CXCL13: variants seen among roughly 807,000 people sequenced by gnomAD.
CXCL13 encodes the protein C-X-C motif chemokine 13.
A neutral mutation model predicts 12.2 loss-of-function variants in CXCL13; 7 were observed. The ratio of observed to expected loss-of-function variants is 0.57; its 90% CI spans 0.33 to 1.07. The LOEUF is 1.07. CXCL13 is among the 50% of genes least tolerant of loss of function. The pLI is 0.04. For missense variants in CXCL13, 113 were observed against 127.4 expected, an observed-to-expected ratio of 0.89 and a Z score of 0.55; for synonymous variants, 47 against 42.4, an observed-to-expected ratio of 1.11 and a Z score of -0.42.
intron 1 of CXCL13, among the ~76,000 whole-genome samples, chr4:77,517,459 A>G (rs1724454329): frequency 6.6e-6 from 1 of 151,974 alleles, no homozygotes; most frequent in Non-Finnish European, 1.5e-5. Flanking sequence ...TTTGTAGGTC[A>G]CTCAGGGCTT....
intron 1 of CXCL13, among the ~76,000 whole-genome samples, chr4:77,514,990 G>A (rs1724378688): frequency 6.6e-6 from 1 of 151,934 alleles, no homozygotes. Flanking sequence ...TGTATAAGGT[G>A]TAAGGAAGGG....
rs1057304843 is a variant in CXCL13 at position 77,546,609 on chromosome 4, T to C, written c.-43+34821T>C. ...AGTGGTGATATCCCCTTTATCATTT[T>C]TATTGCATCTATTTGATTCTTCTCT... On this transcript the variant is annotated intron_variant, in intron 1 of 4. Coordinates refer to the CXCL13 transcript ENST00000286758. 2.6e-5 allele frequency among the ~76,000 whole-genome samples: 4 copies of C among 152,204 alleles called. No homozygotes were observed. In the South Asian group the frequency reaches 8.3e-4, roughly 31 times the overall value.
intron 2 of CXCL13, among the ~76,000 whole-genome samples, chr4:77,608,710 A>G (rs1265588942): frequency 6.6e-6 from 1 of 152,186 alleles, no homozygotes; most frequent in Non-Finnish European, 1.5e-5. Context: ...AAAAGTGCAT[A>G]TGGTAGTTTT....
intron 1 of CXCL13, among the ~76,000 whole-genome samples, chr4:77,581,572 A>G (rs1381075658): frequency 6.6e-6 from 1 of 152,118 alleles, no homozygotes; most frequent in Non-Finnish European, 1.5e-5. Flanking sequence ...TGACTTAATT[A>G]TTATACTATT....
chr4:77,605,461 A>G (rs1051435167), upstream of CXCL13, among the ~76,000 whole-genome samples: 12 of 152,122 alleles, frequency 7.9e-5, no homozygotes, highest in African/African-American at 2.9e-4. Context: ...TGGAGTATAT[A>G]TCTAATGCCA....
Position 77,550,669 on chromosome 4 carries a change from G to A in CXCL13, c.-43+38881G>A, listed in dbSNP as rs190486457. Among the ~76,000 whole-genome samples, 85 of 152,288 alleles carry A rather than the reference G, an allele frequency of 5.6e-4. 2 individuals are homozygous for A. The East Asian group carries it at 0.013, about 24-fold the overall frequency. ...AAATGTTGAAGTTCACAATTTCTCC[G>A]TTAGTTTTCTGCCTTGATGATTTGT... On this transcript the variant is annotated intron_variant, in intron 1 of 4. Coordinates refer to the CXCL13 transcript ENST00000286758.
At chr4:77,578,772 A>C (rs1044914920) in intron 1 of CXCL13, among the ~76,000 whole-genome samples, 1 of 152,156 alleles carries the variant, frequency 6.6e-6, no homozygotes, top group Non-Finnish European at 1.5e-5. Context: ...GTTTTAGCTG[A>C]ACTAAGGAGC....
chr4:77,548,635 T>C (rs1035363308), intron 1 of CXCL13, among the ~76,000 whole-genome samples: 5 of 152,194 alleles, frequency 3.3e-5, no homozygotes, highest in African/African-American at 1.2e-4. Flanking sequence ...GAAAATAATC[T>C]TTTCGTTAAG....
At chr4:77,606,118 T>C (rs1053374001) in intron 1 of CXCL13, among the ~76,000 whole-genome samples, 189 bp downstream of exon 1, 2 of 152,204 alleles carry the variant, frequency 1.3e-5, no homozygotes, top group African/African-American at 4.8e-5. Context: ...ATTTATATTG[T>C]TAAGATTTTT....
At chr4:77,554,761 GAATC>G (rs1023982002) in intron 1 of CXCL13, among the ~76,000 whole-genome samples, 4 of 151,948 alleles carry the variant, frequency 2.6e-5, no homozygotes, top group African/African-American at 9.7e-5. Context: ...GACTACAAAA[GAATC>G]AATTAGAAAT....
chr4:77,529,258 GCA>G (rs1245440722), intron 1 of CXCL13, among the ~76,000 whole-genome samples: 17 of 152,116 alleles, frequency 1.1e-4, no homozygotes, highest in Admixed American at 3.3e-4. Context: ...ACTTGGCAAT[GCA>G]GGCTCTTTTT....
intron 1 of CXCL13, among the ~76,000 whole-genome samples, chr4:77,515,151 G>A (rs1330067961): frequency 6.6e-6 from 1 of 152,180 alleles, no homozygotes; most frequent in African/African-American, 2.4e-5. Context: ...GCTCTGTTCT[G>A]TTCCATTGAT....
chr4:77,554,606 A>G (rs1490732689), intron 1 of CXCL13, among the ~76,000 whole-genome samples: 1 of 152,180 alleles, frequency 6.6e-6, no homozygotes, highest in Non-Finnish European at 1.5e-5. Flanking sequence ...TATTTACAGA[A>G]CAACATTTCT....
intron 1 of CXCL13, among the ~76,000 whole-genome samples, chr4:77,546,645 TTAG>T (rs1455502870): frequency 6.6e-6 from 1 of 152,200 alleles, no homozygotes; most frequent in Non-Finnish European, 1.5e-5. Flanking sequence ...ATTTTCTTTA[TTAG>T]TCTTGCTAGC....
intron 1 of CXCL13, among the ~76,000 whole-genome samples, chr4:77,570,517 C>A (rs1397066163): frequency 6.6e-6 from 1 of 152,198 alleles, no homozygotes; most frequent in Non-Finnish European, 1.5e-5. Context: ...TCCTCAGAGC[C>A]CTCACTTGCT....
chr4:77,551,931 C>T (rs1725534290), intron 1 of CXCL13, among the ~76,000 whole-genome samples: 1 of 152,228 alleles, frequency 6.6e-6, no homozygotes, highest in Non-Finnish European at 1.5e-5. Flanking sequence ...TTTTCAATTC[C>T]AGAAGCTCTG....
chr4:77,608,549 C>G (rs546887033), intron 2 of CXCL13, among the ~76,000 whole-genome samples: 2 of 152,166 alleles, frequency 1.3e-5, no homozygotes, highest in Admixed American at 1.3e-4. Context: ...GGCACAGCAT[C>G]TTTCTCAGGG....
chr4:77,531,964 G>T (rs1724937379), intron 1 of CXCL13, among the ~76,000 whole-genome samples: 1 of 152,128 alleles, frequency 6.6e-6, no homozygotes, highest in African/African-American at 2.4e-5. Flanking sequence ...TGGGTTTCCT[G>T]AATACAGCAC....
At chr4:77,523,482 T>C (rs1340980127) in intron 1 of CXCL13, among the ~76,000 whole-genome samples, 2 of 152,232 alleles carry the variant, frequency 1.3e-5, no homozygotes, top group Non-Finnish European at 2.9e-5. Context: ...ACTGATACTC[T>C]TTCTTCCACT....
Sources: gnomAD v4.1 joint callset for allele counts (sites outside exome capture counted in the v4.1 genomes callset) on GRCh38, gnomAD v4.1.1 for gene constraint, MANE v1.5 for transcripts, NCBI Gene and HGNC (gene_info 2026-07-23, HGNC 2026-07-21) for gene names.